DTNBP1: variants seen among roughly 807,000 people sequenced by gnomAD.
The protein encoded by DTNBP1 is dystrobrevin binding protein 1, also known as dysbindin.
Under a neutral mutation model 42.8 loss-of-function variants are expected in DTNBP1, and 35 were observed. The ratio of observed to expected loss-of-function variants is 0.82; its 90% CI spans 0.63 to 1.09. The LOEUF (loss-of-function observed/expected upper bound fraction) is 1.09, where lower values mean the gene tolerates loss of function less well. Ranked by LOEUF, DTNBP1 falls within the 50% of genes least tolerant of loss-of-function variation. The pLI is 0.00. For missense variants in DTNBP1, 457 were observed against 424.2 expected, an observed-to-expected ratio of 1.08 and a Z score of -0.68; for synonymous variants, 171 against 162.2, an observed-to-expected ratio of 1.05 and a Z score of -0.41.
At chr6:15,605,876 C>T (rs1758021809) in intron 6 of DTNBP1, among the ~76,000 whole-genome samples, 1 of 152,222 alleles carries the variant, frequency 6.6e-6, no homozygotes. Flanking sequence ...CATATTCTAG[C>T]CACTACACAA....
intron 7 of DTNBP1, among the ~76,000 whole-genome samples, chr6:15,563,508 T>C (rs1467208423): frequency 2.0e-5 from 3 of 152,228 alleles, no homozygotes; most frequent in Non-Finnish European, 2.9e-5. Flanking sequence ...TAACGTTAGA[T>C]ACTGACCATC....
At chr6:15,538,216 T>G (rs775470283) in intron 7 of DTNBP1, among the ~76,000 whole-genome samples, 1 of 152,126 alleles carries the variant, frequency 6.6e-6, no homozygotes, top group Non-Finnish European at 1.5e-5. Flanking sequence ...TGGGCCTTCT[T>G]GGAGAAAGAT....
At chr6:15,608,465 C>T (rs2113678967) in intron 6 of DTNBP1, among the ~76,000 whole-genome samples, 1 of 152,348 alleles carries the variant, frequency 6.6e-6, no homozygotes, top group African/African-American at 2.4e-5. Flanking sequence ...CTCCAGAAGG[C>T]CTTCCTGTCC....
At chr6:15,544,151 T>C (rs1165734113) in intron 7 of DTNBP1, among the ~76,000 whole-genome samples, 5 of 152,234 alleles carry the variant, frequency 3.3e-5, no homozygotes, top group Non-Finnish European at 7.3e-5. Flanking sequence ...TTTCATATGT[T>C]ATGTAAGTGG....
In DTNBP1 at chr6:15,587,490, C is replaced by G. The variant is rs1256870636; in HGVS notation, c.511+5569G>C. Among the ~76,000 whole-genome samples the G allele has an allele frequency of 3.3e-5, 5 of 152,168 alleles. No individual in the cohort carries two copies. Among genetic ancestry groups the G allele is most frequent in the African/African-American group, 1.2e-4 (5 of 41,430 alleles). The stretch of plus-strand genomic sequence containing the variant: ...AAAGTAGTAGGTTGGAGGACTTAGA[C>G]GTCCCAATTTCAAATCTTACTACGA... On this transcript the variant is annotated intron_variant, in intron 7 of 9. Coordinates refer to ENST00000344537, the MANE Select transcript of DTNBP1 (RefSeq NM_032122.5). The surrounding 1 kb of genome is among the most constrained non-coding windows in gnomAD (Gnocchi z 4.1).
At position 15,663,020 on chromosome 6, in the gene DTNBP1, C is replaced by G; in HGVS notation, c.-151G>C. The stretch of plus-strand genomic sequence containing the variant: ...CCCGGTCTGGTCCTCGCCGCCGCGC[C>G]GCAACCCCAGCCCCTTCCGCGTTCC... On this transcript the variant is annotated 5_prime_UTR_variant, in exon 1 of 10. Coordinates refer to ENST00000344537, the MANE Select transcript of DTNBP1 (RefSeq NM_032122.5). The G allele has an allele frequency of 8.8e-7, 1 of 1,130,414 alleles. No homozygotes were observed. Among genetic ancestry groups the G allele is most frequent in the Non-Finnish European group, 1.2e-6 (1 of 801,472 alleles). The allele number at this position is 1,130,414 out of a possible 1,614,324, so 70.0% of individuals were successfully genotyped here. A position where few individuals can be genotyped will look rare whatever the true frequency, so the allele number is the denominator to read the frequency against.
chr6:15,532,047 C>T (rs376679424), intron 8 of DTNBP1, among the ~76,000 whole-genome samples: 3 of 152,172 alleles, frequency 2.0e-5, no homozygotes, highest in East Asian at 3.9e-4. Flanking sequence ...AGGCCAGGGC[C>T]AGGCAAGGCT....
chr6:15,638,577 A>G (rs992052928), intron 3 of DTNBP1, among the ~76,000 whole-genome samples: 1 of 152,218 alleles, frequency 6.6e-6, no homozygotes, highest in Admixed American at 6.5e-5. Flanking sequence ...GTATCTGCCC[A>G]TTGGATAATC....
At position 15,522,885 on chromosome 6, in the gene DTNBP1, C is replaced by T; in HGVS notation, c.*90G>A. The T allele has an allele frequency of 1.9e-6, 3 of 1,608,292 alleles. No individual in the cohort carries two copies. Among genetic ancestry groups the T allele is most frequent in the Non-Finnish European group, 2.5e-6 (3 of 1,176,576 alleles). ...TTGGCAATTATGTAAAAATCAAGAA[C>T]CTCTATAAAACAACCTGGCTTTCCA... On this transcript the variant is annotated 3_prime_UTR_variant, in exon 10 of 10. Coordinates refer to ENST00000344537, the MANE Select transcript of DTNBP1 (RefSeq NM_032122.5).
At chr6:15,576,017 G>A (rs1471408504) in intron 7 of DTNBP1, among the ~76,000 whole-genome samples, 1 of 152,202 alleles carries the variant, frequency 6.6e-6, no homozygotes, top group South Asian at 2.1e-4. Context: ...CTATGGTAAA[G>A]AGCCTAGACT....
chr6:15,641,067 T>C lies in DTNBP1; in HGVS notation c.162-3263A>G, dbSNP rs12173857. ...AGCTACTGTTGCAAACCCCTCCTGC[T>C]ATGGCTAGCAATTTTCAGAGGATTT... On this transcript the variant is annotated intron_variant, in intron 3 of 9. Transcript: ENST00000344537. Among the ~76,000 whole-genome samples the C allele has an allele frequency of 3.3e-4, 50 of 152,362 alleles. No homozygotes were observed. The East Asian group carries it at 7.3e-3, about 22-fold the overall frequency.
intron 4 of DTNBP1, among the ~76,000 whole-genome samples, chr6:15,628,491 C>T (rs1156327540): frequency 1.3e-5 from 2 of 148,872 alleles, no homozygotes; most frequent in East Asian, 2.0e-4. Flanking sequence ...CTGCAACCTC[C>T]GCCTCCCAGG....
At chr6:15,644,420 AACCTAATGG>A (rs970619443) in intron 3 of DTNBP1, among the ~76,000 whole-genome samples, 1 of 152,072 alleles carries the variant, frequency 6.6e-6, no homozygotes, top group Non-Finnish European at 1.5e-5. Context: ...TTAGACTCTC[AACCTAATGG>A]ACCTAATGGA....
At chr6:15,611,443 C>T (rs181085418) in intron 6 of DTNBP1, among the ~76,000 whole-genome samples, 298 of 152,224 alleles carry the variant, frequency 2.0e-3, no homozygotes, top group African/African-American at 6.5e-3. Context: ...TTGTTGTGAA[C>T]GCAACACTGA....
At chr6:15,650,836 T>A (rs1760950930) in intron 3 of DTNBP1, among the ~76,000 whole-genome samples, 1 of 152,212 alleles carries the variant, frequency 6.6e-6, no homozygotes, top group Admixed American at 6.5e-5. Flanking sequence ...ATCTTGATGG[T>A]GTTCTCTGAC....
intron 7 of DTNBP1, 153 bp from the exon 8 acceptor site, chr6:15,533,548 C>T (rs1043551751): frequency 8.5e-5 from 108 of 1,272,332 alleles, no homozygotes; most frequent in Non-Finnish European, 6.8e-5. Flanking sequence ...CAGCTGGCCT[C>T]CTTGTCCCCC....
chr6:15,553,593 G>GATTTTTTTTTTTTTTT (rs1168459056), intron 7 of DTNBP1, among the ~76,000 whole-genome samples: 1 of 14,266 alleles, frequency 7.0e-5, no homozygotes, highest in African/African-American at 3.6e-4. Flanking sequence ...TGACAAGTGA[G>GATTTTTTTTTTTTTTT]CTTTTTTTTT....
Position 15,523,040 on chromosome 6 carries a change from C to A in DTNBP1, c.991G>T (p.Ala331Ser). Residue 331 changes from alanine (A) to serine (S), a missense_variant, in exon 10 of 10, where the codon GCC becomes TCC. Coordinates refer to ENST00000344537, the MANE Select transcript of DTNBP1 (RefSeq NM_032122.5). ...SDEEEVQVDT[A>S]LATSHTDREA... ...CTGTCAGTGTGTGATGTGGCCAGGG[C>A]AGTGTCCACCTGAACTTCCTCCTCA... 6.2e-7 allele frequency: 1 copy of A among 1,614,222 alleles called. No individual in the cohort carries two copies. The highest frequency in any genetic ancestry group is 8.5e-7 in the Non-Finnish European group (1 of 1,180,036).
intron 5 of DTNBP1, among the ~76,000 whole-genome samples, chr6:15,620,103 C>T (rs2113716578): frequency 6.6e-6 from 1 of 152,068 alleles, no homozygotes; most frequent in East Asian, 1.9e-4. Context: ...ATTTTAGGTA[C>T]TGACTTTTAT....
Sources: allele counts gnomAD v4.1 joint callset (sites outside exome capture counted in the v4.1 genomes callset), GRCh38; gene constraint gnomAD v4.1.1; non-coding constraint Gnocchi (gnomAD v3.1); transcripts MANE v1.5; gene names NCBI Gene and HGNC (gene_info 2026-07-23, HGNC 2026-07-21).